Variants in PDGFD observed in about 807,000 individuals in gnomAD.
The protein encoded by PDGFD is platelet-derived growth factor D.
Under a neutral mutation model 44.7 loss-of-function variants are expected in PDGFD, and 30 were observed. The observed-to-expected ratio is 0.67, with a 90% confidence interval of 0.50 to 0.91. The LOEUF (loss-of-function observed/expected upper bound fraction) is 0.91. Ranked by LOEUF, PDGFD falls within the 40% of genes least tolerant of loss-of-function variation. The pLI is 0.00. For missense variants in PDGFD, 445 were observed against 457.8 expected, an observed-to-expected ratio of 0.97 and a Z score of 0.25; for synonymous variants, 173 against 168.4, an observed-to-expected ratio of 1.03 and a Z score of -0.21.
At chr11:104,088,797 T>C (rs975907230) in intron 1 of PDGFD, among the ~76,000 whole-genome samples, 2 of 152,108 alleles carry the variant, frequency 1.3e-5, no homozygotes, top group Non-Finnish European at 2.9e-5. Flanking sequence ...CCAGATTATG[T>C]TCTCAGCTGG....
At chr11:104,102,457 G>A (rs1461922602) in intron 1 of PDGFD, among the ~76,000 whole-genome samples, 2 of 152,164 alleles carry the variant, frequency 1.3e-5, no homozygotes, top group Non-Finnish European at 2.9e-5. Flanking sequence ...TGGAGAAATA[G>A]GAACACTTTT....
intron 1 of PDGFD, among the ~76,000 whole-genome samples, chr11:104,146,487 G>C (rs1018978658): frequency 2.6e-5 from 4 of 152,138 alleles, no homozygotes; most frequent in Non-Finnish European, 5.9e-5. Flanking sequence ...CATTTCTTCA[G>C]AGCAAACCTC....
At chr11:104,100,057 G>T (rs78579978) in intron 1 of PDGFD, among the ~76,000 whole-genome samples, 1 of 151,878 alleles carries the variant, frequency 6.6e-6, no homozygotes, top group South Asian at 2.1e-4. Context: ...TGCAAAAGTC[G>T]ACTACATGCA....
intron 1 of PDGFD, among the ~76,000 whole-genome samples, chr11:104,130,519 C>A (rs1417473394): frequency 6.6e-6 from 1 of 152,110 alleles, no homozygotes; most frequent in Non-Finnish European, 1.5e-5. Flanking sequence ...AGTATCTGAG[C>A]AACATAAATT....
At chr11:103,945,083 C>G (rs1025300809) in intron 4 of PDGFD, among the ~76,000 whole-genome samples, 1 of 152,058 alleles carries the variant, frequency 6.6e-6, no homozygotes, top group Non-Finnish European at 1.5e-5. Context: ...CAGGTGTATC[C>G]AGGTAATAAT....
intron 1 of PDGFD, among the ~76,000 whole-genome samples, chr11:104,004,675 CCAAAAA>C (rs1290044200): frequency 6.6e-6 from 1 of 151,914 alleles, no homozygotes; most frequent in Non-Finnish European, 1.5e-5. Context: ...AAAAATTCTG[CCAAAAA>C]ATACACCTGA....
intron 1 of PDGFD, among the ~76,000 whole-genome samples, chr11:104,003,898 G>C (rs1205782145): frequency 6.6e-6 from 1 of 152,168 alleles, no homozygotes; most frequent in African/African-American, 2.4e-5. Context: ...CTGGAGCAAT[G>C]GCTGGGAAGG....
chr11:104,103,648 G>C (rs1861430458), intron 1 of PDGFD, among the ~76,000 whole-genome samples: 1 of 151,680 alleles, frequency 6.6e-6, no homozygotes, highest in South Asian at 2.1e-4. Context: ...TTATATTGGA[G>C]CTGAAAATAT....
chr11:103,974,424 T>A (rs746800719), intron 3 of PDGFD, among the ~76,000 whole-genome samples: 3 of 152,172 alleles, frequency 2.0e-5, no homozygotes, highest in Non-Finnish European at 2.9e-5. Context: ...ACTTCAATCA[T>A]AGCCCTTGTC....
Position 103,914,109 on chromosome 11 carries a change from T to C in PDGFD, c.988-4290A>G, listed in dbSNP as rs1168805914. On this transcript the variant is annotated intron_variant, in intron 6 of 6. Transcript: ENST00000393158. Reference sequence around the variant, plus strand: ...GCAAAAGAGATAGCGAGAGGGTGAGTTGGAAGAAGAGGTCAGCTGTTAGGT... The same window carrying C: ...GCAAAAGAGATAGCGAGAGGGTGAGCTGGAAGAAGAGGTCAGCTGTTAGGT... 2.0e-5 allele frequency among the ~76,000 whole-genome samples: 3 copies of C among 151,998 alleles called. 1 individual carries two copies. Among genetic ancestry groups the C allele is most frequent in the South Asian group, 4.1e-4 (2 of 4,820 alleles).
At chr11:103,976,044 T>C (rs1276388801) in intron 3 of PDGFD, among the ~76,000 whole-genome samples, 1 of 152,182 alleles carries the variant, frequency 6.6e-6, no homozygotes, top group Non-Finnish European at 1.5e-5. Flanking sequence ...AAGTCAATGA[T>C]AGCTTGATGG....
At chr11:104,084,124 G>C (rs1399990302) in intron 1 of PDGFD, among the ~76,000 whole-genome samples, 1 of 152,186 alleles carries the variant, frequency 6.6e-6, no homozygotes, top group Non-Finnish European at 1.5e-5. Context: ...AACATCTCAA[G>C]TATGCTTCTA....
In PDGFD at chr11:104,164,005, T is replaced by G. The variant is rs1405396409; in HGVS notation, c.-78A>C. Reference sequence around the variant, plus strand: ...TCCCGGGACCGACGCCGCGCCGCCCTGCGCTCTCGCCGCCTGCGCTCGCCC... The same window carrying G: ...TCCCGGGACCGACGCCGCGCCGCCCGGCGCTCTCGCCGCCTGCGCTCGCCC... On this transcript the variant is annotated 5_prime_UTR_variant, in exon 1 of 7. Coordinates refer to ENST00000393158, the MANE Select transcript of PDGFD (RefSeq NM_025208.5). 9 of 1,426,034 alleles carry G rather than the reference T, an allele frequency of 6.3e-6. No homozygotes were observed. The African/African-American group carries it at 1.1e-4, about 18-fold the overall frequency. 88.3% of individuals were successfully genotyped at this position (1,426,034 alleles called of 1,614,324 possible).
At chr11:103,982,791 A>C (rs1189419372) in intron 3 of PDGFD, among the ~76,000 whole-genome samples, 1 of 151,822 alleles carries the variant, frequency 6.6e-6, no homozygotes, top group Non-Finnish European at 1.5e-5. Flanking sequence ...CTGAGAGCCA[A>C]ATCAGGAACA....
intron 3 of PDGFD, among the ~76,000 whole-genome samples, chr11:103,975,243 G>C (rs1026450964): frequency 2.6e-5 from 4 of 152,110 alleles, no homozygotes; most frequent in Non-Finnish European, 4.4e-5. Context: ...AATAACCAAT[G>C]ATGATGAGCT....
chr11:103,964,024 T>C (rs1436326857), intron 3 of PDGFD, among the ~76,000 whole-genome samples: 4 of 152,082 alleles, frequency 2.6e-5, no homozygotes, highest in Non-Finnish European at 5.9e-5. Context: ...CTCTATGACA[T>C]TTAGCCTTCT....
intron 1 of PDGFD, among the ~76,000 whole-genome samples, chr11:104,080,127 G>A (rs1861022735): frequency 6.6e-6 from 1 of 151,422 alleles, no homozygotes; most frequent in South Asian, 2.1e-4. Flanking sequence ...GTCCTCTACA[G>A]AGAGAAAAAA....
At chr11:104,056,108 A>G (rs1233643173) in intron 1 of PDGFD, among the ~76,000 whole-genome samples, 1 of 152,218 alleles carries the variant, frequency 6.6e-6, no homozygotes, top group East Asian at 1.9e-4. Flanking sequence ...AACAAACAGT[A>G]AAGTTTTCTA....
At chr11:104,035,723 C>A (rs930037520) in intron 1 of PDGFD, among the ~76,000 whole-genome samples, 2 of 151,978 alleles carry the variant, frequency 1.3e-5, no homozygotes, top group Non-Finnish European at 2.9e-5. Context: ...TTTTATTGCA[C>A]AAAATGTCTC....
Sources: allele counts gnomAD v4.1 joint callset (sites outside exome capture counted in the v4.1 genomes callset), GRCh38; gene constraint gnomAD v4.1.1; transcripts MANE v1.5; gene names NCBI Gene and HGNC (gene_info 2026-07-23, HGNC 2026-07-21).